The following TANK variants were observed in gnomAD, a reference collection of about 807,000 sequenced individuals.
The protein encoded by TANK is TRAF family member-associated NF-kappa-B activator.
TANK carries 15 observed loss-of-function variants against 43.6 expected under a neutral mutation model. That is an observed-to-expected ratio of 0.34 (90% confidence interval 0.23 to 0.53). The LOEUF (loss-of-function observed/expected upper bound fraction) is 0.53, where lower values mean the gene tolerates loss of function less well. TANK is among the 20% of genes least tolerant of loss of function. The probability of loss-of-function intolerance (pLI) is 0.94; values close to 1 mark genes in which losing one functional copy is unlikely to be tolerated. For missense variants in TANK, 417 were observed against 498.6 expected (o/e 0.84, Z 1.56); for synonymous variants, 162 against 178.2 (o/e 0.91, Z 0.73).
chr2:161,156,010 T>G, upstream of TANK: 1 of 956,906 alleles, frequency 1.0e-6, no homozygotes, highest in Non-Finnish European at 1.2e-6. Context: ...ACAAGATAGG[T>G]CATTAATATA....
chr2:161,216,497 A>C (rs147118744), intron 4 of TANK: 1 of 435,470 alleles, frequency 2.3e-6, no homozygotes, highest in Non-Finnish European at 4.7e-6. Flanking sequence ...TCTTCTTCCT[A>C]CTTTTTTTCT....
chr2:161,146,412 G>A (rs1683911359), intron 1 of TANK, among the ~76,000 whole-genome samples: 2 of 152,058 alleles, frequency 1.3e-5, no homozygotes, highest in Admixed American at 1.3e-4. Flanking sequence ...TGACCTTTTG[G>A]GTTTTCAGAG....
At chr2:161,228,240 G>A (rs544833289) in intron 6 of TANK, among the ~76,000 whole-genome samples, 1 of 152,296 alleles carries the variant, frequency 6.6e-6, no homozygotes, top group East Asian at 1.9e-4. Context: ...GTACTTAAAA[G>A]TTCATATCAG....
intron 1 of TANK, among the ~76,000 whole-genome samples, chr2:161,168,274 A>G (rs1684782871): frequency 6.6e-6 from 1 of 152,150 alleles, no homozygotes; most frequent in Non-Finnish European, 1.5e-5. Context: ...TTTTAAAAGG[A>G]GTGGCAGAAT....
chr2:161,210,986 A>G (rs3769972), intron 4 of TANK, among the ~76,000 whole-genome samples: 6,195 of 152,314 alleles, frequency 0.041, 261 homozygotes, highest in East Asian at 0.18. Context: ...AATATTATGT[A>G]TGTAAACTGA....
chr2:161,235,242 A>G, intron 7 of TANK, 100 bp from the exon 8 acceptor site: 1 of 1,016,152 alleles, frequency 9.8e-7, no homozygotes, highest in Non-Finnish European at 1.4e-6. Flanking sequence ...GGAATTCAAT[A>G]TATATGCCCA....
Position 161,160,453 on chromosome 2 carries a change from G to A in TANK, c.-83G>A. ...ACTCGGCCAGGCGCCGGCGACCTGA[G>A]GGGAGAGGGAACGCAGCTGAAAGCG... On this transcript the variant is annotated 5_prime_UTR_variant, in exon 1 of 8. Coordinates refer to ENST00000392749, the MANE Select transcript of TANK (RefSeq NM_001199135.3). 8.1e-7 allele frequency: 1 copy of A among 1,239,314 alleles called. No individual in the cohort carries two copies. Among genetic ancestry groups the A allele is most frequent in the Non-Finnish European group, 1.0e-6 (1 of 991,360 alleles). 76.8% of individuals were successfully genotyped at this position (1,239,314 alleles called of 1,614,324 possible). A position where few individuals can be genotyped will look rare whatever the true frequency, so the allele number is the denominator to read the frequency against.
chr2:161,138,013 C>T, intron 1 of TANK: 1 of 636,944 alleles, frequency 1.6e-6, no homozygotes, highest in Non-Finnish European at 1.9e-6. Flanking sequence ...GTATTTTTCT[C>T]ATCTCATAAA....
At chr2:161,163,463 G>A (rs1352403443) in intron 1 of TANK, 2 of 152,086 alleles carry the variant, frequency 1.3e-5, no homozygotes, top group Admixed American at 6.5e-5. Flanking sequence ...GGTAGGCTGA[G>A]GCTGTTAAGT....
intron 1 of TANK, among the ~76,000 whole-genome samples, chr2:161,169,634 TAGGA>T (rs746323053): frequency 7.0e-4 from 107 of 152,124 alleles, no homozygotes; most frequent in Admixed American, 1.9e-3. Context: ...AAGCAGGAAA[TAGGA>T]AGGGGAAAGC....
intron 7 of TANK, chr2:161,232,962 A>G (rs1687994215): frequency 9.3e-7 from 1 of 1,074,316 alleles, no homozygotes. Flanking sequence ...ACCATGTTAC[A>G]GTTTAGGATG....
At chr2:161,231,648 T>C in intron 7 of TANK, 97 bp downstream of exon 7, 1 of 1,130,968 alleles carries the variant, frequency 8.8e-7, no homozygotes, top group South Asian at 1.4e-5. Flanking sequence ...TCAAACATCC[T>C]TTTTAAACTA....
At chr2:161,234,719 C>G (rs911413188) in intron 7 of TANK, among the ~76,000 whole-genome samples, 2 of 152,160 alleles carry the variant, frequency 1.3e-5, no homozygotes, top group South Asian at 2.1e-4. Context: ...AGTCAAAACA[C>G]TGCATGTGTT....
intron 1 of TANK, among the ~76,000 whole-genome samples, chr2:161,167,556 C>A (rs2105265187): frequency 6.6e-6 from 1 of 152,326 alleles, no homozygotes; most frequent in Admixed American, 6.5e-5. Context: ...CTTGGACACA[C>A]TTCCAGGTTG....
At chr2:161,202,733 G>A (rs1686477521) in intron 2 of TANK, 1 of 283,920 alleles carries the variant, frequency 3.5e-6, no homozygotes, top group South Asian at 3.2e-5. Flanking sequence ...GCTATTGTTT[G>A]GTGATACGCT....
chr2:161,229,512 C>G (rs751280835), intron 6 of TANK, among the ~76,000 whole-genome samples: 1 of 151,856 alleles, frequency 6.6e-6, no homozygotes, highest in Non-Finnish European at 1.5e-5. Flanking sequence ...TTATAATAAT[C>G]CAATAAGAAA....
intron 4 of TANK, among the ~76,000 whole-genome samples, chr2:161,213,949 CTG>C (rs1462774289): frequency 6.6e-6 from 1 of 152,084 alleles, no homozygotes; most frequent in East Asian, 1.9e-4. Flanking sequence ...ATGTATGATT[CTG>C]TAACATCATG....
At chr2:161,227,347 A>G (rs1425669280) in intron 6 of TANK, among the ~76,000 whole-genome samples, 2 of 152,208 alleles carry the variant, frequency 1.3e-5, no homozygotes, top group African/African-American at 2.4e-5. Context: ...TTCAAAGCAC[A>G]TTTCTGTCAA....
At chr2:161,144,514 T>C (rs1683847811) in intron 1 of TANK, among the ~76,000 whole-genome samples, 1 of 152,176 alleles carries the variant, frequency 6.6e-6, no homozygotes, top group African/African-American at 2.4e-5. Context: ...TCGTTTTCAT[T>C]AGTTTCAAAG....
Sources: gnomAD v4.1 joint callset for allele counts (sites outside exome capture counted in the v4.1 genomes callset) on GRCh38, gnomAD v4.1.1 for gene constraint, MANE v1.5 for transcripts, NCBI Gene and HGNC (gene_info 2026-07-23, HGNC 2026-07-21) for gene names.